The following ZFHX3 variants were observed in gnomAD, a reference collection of about 807,000 sequenced individuals.
ZFHX3 encodes the protein zinc finger homeobox 3, also known as zinc finger homeobox protein 3.
A neutral mutation model predicts 279.1 loss-of-function variants in ZFHX3; 42 were observed. That is an observed-to-expected ratio of 0.15 (90% CI 0.12 to 0.19). The LOEUF is 0.19. ZFHX3 is among the 10% of genes least tolerant of loss of function. ZFHX3 has a pLI of 1.00. For synonymous variants in ZFHX3, 2,293 were observed against 1,957.8 expected, an observed-to-expected ratio of 1.17 and a Z score of -4.52; for missense variants, 4,981 against 4,754.0, an observed-to-expected ratio of 1.05 and a Z score of -1.40.
chr16:73,670,561 T>A (rs759465515), intron 2 of ZFHX3, among the ~76,000 whole-genome samples: 5 of 152,210 alleles, frequency 3.3e-5, no homozygotes, highest in Non-Finnish European at 5.9e-5. Context: ...ATGAAGATTA[T>A]CAGTAAGACC....
At chr16:73,049,822 AG>A (rs1965416391), upstream of ZFHX3, among the ~76,000 whole-genome samples, 1 of 152,210 alleles carries the variant, frequency 6.6e-6, no homozygotes, top group African/African-American at 2.4e-5. Flanking sequence ...GCCCAAGAAC[AG>A]GTGGTGTTTT....
chr16:72,991,348 T>C (rs1390952470), intron 1 of ZFHX3, among the ~76,000 whole-genome samples: 3 of 152,210 alleles, frequency 2.0e-5, no homozygotes, highest in Non-Finnish European at 4.4e-5. Flanking sequence ...TCTCAGACAT[T>C]CCACTAAGTG....
intron 3 of ZFHX3, among the ~76,000 whole-genome samples, chr16:72,927,886 C>A (rs1055174490): frequency 6.6e-6 from 1 of 151,644 alleles, no homozygotes; most frequent in Admixed American, 6.6e-5. Context: ...ATTAAAATGT[C>A]AACAGGCTGA....
chr16:73,138,627 G>A lies in ZFHX3; in HGVS notation c.-1024+5125C>T, dbSNP rs1418614325. Among the ~76,000 whole-genome samples, 3 of 152,228 alleles carry A rather than the reference G, an allele frequency of 2.0e-5. No individual in the cohort carries two copies. The East Asian group carries it at 5.8e-4, about 29-fold the overall frequency. ...GGATGTCTTCCTGCAGTTGTTACAG[G>A]TCACTAGGGTTGATGGGACTCTTCA... On this transcript the variant is annotated intron_variant, in intron 6 of 17. Transcript: ENST00000641206.
intron 8 of ZFHX3, among the ~76,000 whole-genome samples, chr16:73,072,350 A>C (rs1410454437): frequency 2.6e-5 from 4 of 151,588 alleles, no homozygotes; most frequent in Non-Finnish European, 5.9e-5. Flanking sequence ...AGGCTGAGGC[A>C]GGAGACTCGC....
At chr16:73,117,513 G>A (rs575953785) in intron 7 of ZFHX3, among the ~76,000 whole-genome samples, 3 of 152,284 alleles carry the variant, frequency 2.0e-5, no homozygotes, top group South Asian at 2.1e-4. Flanking sequence ...CTATGGTTAC[G>A]ACCCAATGGA....
At chr16:73,695,449 T>C (rs937703427) in intron 1 of ZFHX3, among the ~76,000 whole-genome samples, 1 of 152,074 alleles carries the variant, frequency 6.6e-6, no homozygotes, top group Admixed American at 6.6e-5. Flanking sequence ...CATTTCCCAC[T>C]TGATAGATGA....
At chr16:73,059,505 TTTC>T (rs1345594537) in exon 1 of ZFHX3, 1 of 146,208 alleles carries the variant, frequency 6.8e-6, no homozygotes, top group East Asian at 2.1e-4. Flanking sequence ...TTCTCTTTTC[TTTC>T]TTATTATTTT....
In ZFHX3 at chr16:73,594,462, G is replaced by A. The variant is rs892409576; in HGVS notation, c.-1547+85718C>T. Among the ~76,000 whole-genome samples, 13 of 152,186 alleles carry A rather than the reference G, an allele frequency of 8.5e-5. 1 individual carries two copies. Among genetic ancestry groups the A allele is most frequent in the Admixed American group, 8.5e-4 (13 of 15,272 alleles). On this transcript the variant is annotated intron_variant, in intron 2 of 17. Transcript: ENST00000641206. ...CGCAAGCAATAGAGATTTTATTAGT[G>A]CAAATTTACAAGAGTAATTAAGATA...
intron 2 of ZFHX3, among the ~76,000 whole-genome samples, chr16:73,553,272 T>C (rs1211698063): frequency 6.6e-6 from 1 of 152,056 alleles, no homozygotes; most frequent in East Asian, 1.9e-4. Context: ...CACCTTAATC[T>C]CAACACATTT....
At chr16:72,948,723 T>G (rs1402876564) in intron 3 of ZFHX3, among the ~76,000 whole-genome samples, 1 of 152,192 alleles carries the variant, frequency 6.6e-6, no homozygotes, top group African/African-American at 2.4e-5. Flanking sequence ...TAAACGACCT[T>G]CATCAAAGTT....
intron 9 of ZFHX3, chr16:72,791,561 C>T (rs2035703611): frequency 6.6e-6 from 1 of 152,162 alleles, no homozygotes; most frequent in Non-Finnish European, 1.5e-5. Context: ...ATGGTCTTGA[C>T]CTCTCTGGCC....
intron 1 of ZFHX3, among the ~76,000 whole-genome samples, chr16:73,009,795 C>T (rs9940119): frequency 0.017 from 2,558 of 152,048 alleles, 69 homozygotes; most frequent in African/African-American, 0.056. Flanking sequence ...CCGACGCAGG[C>T]GAATCACTTG....
At chr16:72,983,485 T>A (rs1962699773) in intron 1 of ZFHX3, among the ~76,000 whole-genome samples, 1 of 152,122 alleles carries the variant, frequency 6.6e-6, no homozygotes, top group Non-Finnish European at 1.5e-5. Flanking sequence ...GGCGGGAGGA[T>A]CACTTGAGCC....
intron 2 of ZFHX3, among the ~76,000 whole-genome samples, chr16:72,954,158 T>C (rs1961131838): frequency 6.6e-6 from 1 of 152,070 alleles, no homozygotes; most frequent in African/African-American, 2.4e-5. Context: ...TCACCTGAGG[T>C]CAGGAGTTCA....
intron 5 of ZFHX3, among the ~76,000 whole-genome samples, chr16:73,170,745 TCTTCCTGTCTGTA>T (rs1484782781): frequency 6.6e-6 from 1 of 152,118 alleles, no homozygotes; most frequent in African/African-American, 2.4e-5. Context: ...GACCTCGGGA[TCTTCCTGTCTGTA>T]CTTCCTGTCT....
intron 1 of ZFHX3, among the ~76,000 whole-genome samples, chr16:72,983,846 C>A (rs932515104): frequency 6.6e-6 from 1 of 152,206 alleles, no homozygotes; most frequent in African/African-American, 2.4e-5. Context: ...CTACCCACTG[C>A]CAAGTGTGGG....
intron 4 of ZFHX3, among the ~76,000 whole-genome samples, chr16:73,315,140 A>G (rs933422328): frequency 6.6e-6 from 1 of 152,038 alleles, no homozygotes; most frequent in Non-Finnish European, 1.5e-5. Context: ...AGGCAGGAGA[A>G]GCGCTTGAAC....
chr16:72,817,388 C>T (rs2036640703), intron 5 of ZFHX3, among the ~76,000 whole-genome samples: 1 of 152,132 alleles, frequency 6.6e-6, no homozygotes, highest in East Asian at 1.9e-4. Flanking sequence ...AACTCTGAAG[C>T]CAAGTAAGGC....
Sources: gnomAD v4.1 joint callset for allele counts (sites outside exome capture counted in the v4.1 genomes callset) on GRCh38, gnomAD v4.1.1 for gene constraint, MANE v1.5 for transcripts, NCBI Gene and HGNC (gene_info 2026-07-23, HGNC 2026-07-21) for gene names.